Variants in CNTN4 observed in about 807,000 individuals in gnomAD.
CNTN4 encodes the protein contactin 4.
A neutral mutation model predicts 122.5 loss-of-function variants in CNTN4; 77 were observed. That is an observed-to-expected ratio of 0.63 (90% CI 0.52 to 0.76). The LOEUF (loss-of-function observed/expected upper bound fraction) is 0.76, where lower values mean the gene tolerates loss of function less well. Among genes scored for constraint, CNTN4 ranks in the 30% least tolerant of loss-of-function variants. The pLI is 0.00. For missense variants in CNTN4, 1,256 were observed against 1,259.1 expected, an observed-to-expected ratio of 1.00 and a Z score of 0.04; for synonymous variants, 512 against 447.0, an observed-to-expected ratio of 1.15 and a Z score of -1.83.
chr3:2,118,660 C>G (rs927584984), intron 2 of CNTN4, among the ~76,000 whole-genome samples: 1 of 152,140 alleles, frequency 6.6e-6, no homozygotes, highest in African/African-American at 2.4e-5. Context: ...CCAAATGTTG[C>G]TAAGCTTCCA....
At position 2,988,518 on chromosome 3, in the gene CNTN4, G is replaced by C. The variant is rs761194354; in HGVS notation, c.1486+46G>C. ...TTCGAATATTTATATATGTGTCCTCGTGTCTAATAATGTAATCTACCGAAG... is the reference window on the plus strand; with the variant it reads ...TTCGAATATTTATATATGTGTCCTCCTGTCTAATAATGTAATCTACCGAAG... On this transcript the variant is annotated intron_variant, in intron 14 of 24. Coordinates refer to ENST00000418658, the MANE Select transcript of CNTN4 (RefSeq NM_175607.3). 5 of 1,601,600 alleles carry C rather than the reference G, an allele frequency of 3.1e-6. No homozygotes were observed. In the Admixed American group the frequency reaches 5.0e-5, roughly 16 times the overall value.
At chr3:2,591,354 T>TTTTTTTG in intron 4 of CNTN4, among the ~76,000 whole-genome samples, 1 of 4,970 alleles carries the variant, frequency 2.0e-4, no homozygotes, top group African/African-American at 2.6e-4. Context: ...ATTTGTGACT[T>TTTTTTTG]TTTTTTTTTT....
intron 2 of CNTN4, among the ~76,000 whole-genome samples, chr3:2,128,816 C>T (rs923914228): frequency 4.6e-5 from 7 of 152,130 alleles, no homozygotes; most frequent in Non-Finnish European, 8.8e-5. Context: ...CCATAAAGAG[C>T]CAACTGAATG....
intron 3 of CNTN4, among the ~76,000 whole-genome samples, chr3:2,390,762 T>C (rs1285422485): frequency 6.6e-6 from 1 of 152,200 alleles, no homozygotes; most frequent in Non-Finnish European, 1.5e-5. Context: ...ATGTTGACCA[T>C]ATAACCGAGA....
intron 6 of CNTN4, among the ~76,000 whole-genome samples, chr3:2,749,545 A>G (rs989112537): frequency 6.6e-6 from 1 of 152,272 alleles, no homozygotes; most frequent in East Asian, 1.9e-4. Flanking sequence ...GGCAGAACGT[A>G]TATTTTAAGA....
At chr3:2,992,315 AAT>A in intron 14 of CNTN4, among the ~76,000 whole-genome samples, 1 of 152,244 alleles carries the variant, frequency 6.6e-6, no homozygotes, top group Admixed American at 6.5e-5. Context: ...GGCTAGTTAT[AAT>A]ATACTTGGGA....
Position 3,020,036 on chromosome 3 carries a change from A to G in CNTN4, c.1487-6066A>G, listed in dbSNP as rs760587377. ...CTTATAAGAAAATTCAGCAATAAAC[A>G]CAGATGAAGGGCCAGTGCTTGCATG... On this transcript the variant is annotated intron_variant, in intron 14 of 24. Coordinates refer to ENST00000418658, the MANE Select transcript of CNTN4 (RefSeq NM_175607.3). Among the ~76,000 whole-genome samples the G allele has an allele frequency of 4.3e-4, 66 of 152,260 alleles. 1 individual carries two copies. The Middle Eastern group carries it at 0.037, about 86-fold the overall frequency.
At chr3:2,209,390 A>G (rs566011999) in intron 2 of CNTN4, among the ~76,000 whole-genome samples, 19 of 152,306 alleles carry the variant, frequency 1.2e-4, no homozygotes, top group Non-Finnish European at 1.0e-4. Context: ...TTGGCTGATC[A>G]AGTAGCTATC....
intron 3 of CNTN4, among the ~76,000 whole-genome samples, chr3:2,514,547 A>G (rs1022014690): frequency 6.6e-6 from 1 of 152,204 alleles, no homozygotes; most frequent in Non-Finnish European, 1.5e-5. Flanking sequence ...ATGATTTTAA[A>G]TGTTATCAAG....
chr3:2,207,385 T>G (rs1374736012), intron 2 of CNTN4, among the ~76,000 whole-genome samples: 4 of 152,122 alleles, frequency 2.6e-5, no homozygotes, highest in Admixed American at 6.6e-5. Flanking sequence ...GGTAGGTCTC[T>G]GGCATCAAAC....
chr3:2,875,966 T>C (rs2093839855), intron 8 of CNTN4, among the ~76,000 whole-genome samples: 1 of 152,220 alleles, frequency 6.6e-6, no homozygotes, highest in Non-Finnish European at 1.5e-5. Flanking sequence ...AGCAGAGGTA[T>C]TTGGCCTCTC....
chr3:2,412,525 T>A (rs1288525024), intron 3 of CNTN4, among the ~76,000 whole-genome samples: 1 of 152,184 alleles, frequency 6.6e-6, no homozygotes, highest in African/African-American at 2.4e-5. Flanking sequence ...AGTGCTGGGA[T>A]TACAGGCATG....
intron 2 of CNTN4, among the ~76,000 whole-genome samples, chr3:2,106,434 C>T (rs1202070519): frequency 1.8e-5 from 2 of 110,336 alleles, no homozygotes; most frequent in African/African-American, 5.2e-5. Flanking sequence ...GCAGAGGTTC[C>T]CAAACCTTCA....
intron 3 of CNTN4, among the ~76,000 whole-genome samples, chr3:2,527,012 C>T (rs1485516134): frequency 1.2e-4 from 19 of 152,146 alleles, no homozygotes; most frequent in Non-Finnish European, 2.9e-5. Flanking sequence ...ACTTTGGATA[C>T]TTTCTCAGAA....
intron 13 of CNTN4, among the ~76,000 whole-genome samples, chr3:2,986,054 A>G (rs1220496920): frequency 3.3e-5 from 5 of 151,578 alleles, no homozygotes; most frequent in Non-Finnish European, 7.4e-5. Flanking sequence ...AGCTGGGACT[A>G]TAGGCTCAAG....
At chr3:2,626,510 C>A (rs911114472) in intron 4 of CNTN4, among the ~76,000 whole-genome samples, 81 of 145,262 alleles carry the variant, frequency 5.6e-4, no homozygotes, top group Admixed American at 2.5e-3. Context: ...AAAAAAACAA[C>A]AAAAAACAAA....
chr3:2,599,425 C>T (rs955164122), intron 4 of CNTN4, among the ~76,000 whole-genome samples: 1 of 152,174 alleles, frequency 6.6e-6, no homozygotes, highest in Non-Finnish European at 1.5e-5. Flanking sequence ...TTCACAGGGC[C>T]TAAATGTGTG....
At chr3:3,044,142 A>G (rs1000518920) in intron 23 of CNTN4, among the ~76,000 whole-genome samples, 2 of 152,240 alleles carry the variant, frequency 1.3e-5, no homozygotes, top group African/African-American at 2.4e-5. Flanking sequence ...GAGAAAAGAG[A>G]GAAAAAGCAG....
rs79495282 is a variant in CNTN4 at position 2,765,862 on chromosome 3, A to G, written c.358+20165A>G. ...TAAATATTTAGTGACTGTTTCTTCA[A>G]TGATGACACTGTACCCACACACACA... On this transcript the variant is annotated intron_variant, in intron 6 of 24. Transcript: ENST00000418658. 6.7e-3 allele frequency among the ~76,000 whole-genome samples: 1,020 copies of G among 152,320 alleles called. 9 individuals are homozygous for G. The highest frequency in any genetic ancestry group is 0.021 in the African/African-American group (883 of 41,566).
Sources: gnomAD v4.1 joint callset for allele counts (sites outside exome capture counted in the v4.1 genomes callset) on GRCh38, gnomAD v4.1.1 for gene constraint, MANE v1.5 for transcripts, NCBI Gene and HGNC (gene_info 2026-07-23, HGNC 2026-07-21) for gene names.